Variants in WDR37 observed in about 807,000 individuals in gnomAD.
WDR37 encodes WD repeat domain 37.
A neutral mutation model predicts 62.9 loss-of-function variants in WDR37; 19 were observed. That is an observed-to-expected ratio of 0.30 (90% CI 0.21 to 0.44). WDR37 has a LOEUF of 0.44. Ranked by LOEUF, WDR37 falls within the 20% of genes least tolerant of loss-of-function variation. WDR37 has a pLI of 1.00. For synonymous variants in WDR37, 250 were observed against 260.9 expected (o/e 0.96, Z 0.40); for missense variants, 474 against 657.6 (o/e 0.72, Z 3.05).
chr10:1,123,552 G>A (rs957785019), intron 11 of WDR37, among the ~76,000 whole-genome samples: 6 of 152,198 alleles, frequency 3.9e-5, no homozygotes, highest in East Asian at 3.9e-4. Flanking sequence ...CTTTTTTTAC[G>A]ACTGAATAAT....
chr10:1,100,562 G>A (rs1227175207), intron 9 of WDR37, among the ~76,000 whole-genome samples: 1 of 152,224 alleles, frequency 6.6e-6, no homozygotes, highest in African/African-American at 2.4e-5. Context: ...TTGGGCAAAC[G>A]TCTTGTGTTT....
chr10:1,099,419 A>G (rs1834715946), intron 9 of WDR37, among the ~76,000 whole-genome samples: 1 of 152,240 alleles, frequency 6.6e-6, no homozygotes, highest in African/African-American at 2.4e-5. Context: ...TGATATTTTC[A>G]TCTTGGAATA....
rs1032678802 is a variant in WDR37 at position 1,130,681 on chromosome 10, T to G, written c.*1337T>G. ...TTGGAGAGACACAGGAAGGTAATATTTACAGCTGTCATGTGACATCCCCAG... is the reference window on the plus strand; with the variant it reads ...TTGGAGAGACACAGGAAGGTAATATGTACAGCTGTCATGTGACATCCCCAG... On this transcript the variant is annotated 3_prime_UTR_variant, in exon 14 of 14. Coordinates refer to ENST00000263150, the MANE Select transcript of WDR37 (RefSeq NM_014023.4). 1 of 152,264 alleles carries G rather than the reference T, an allele frequency of 6.6e-6. No individual in the cohort carries two copies. The highest frequency in any genetic ancestry group is 1.5e-5 in the Non-Finnish European group (1 of 68,084). The allele number at this position is 152,264 out of a possible 1,614,324, so 9.4% of individuals were successfully genotyped here.
At chr10:1,075,784 C>CTTTTTTTTTTTT (rs11387795) in intron 2 of WDR37, among the ~76,000 whole-genome samples, 1 of 140,950 alleles carries the variant, frequency 7.1e-6, no homozygotes, top group Admixed American at 7.1e-5. Context: ...ATTGGAACTT[C>CTTTTTTTTTTTT]TTTTTTTTTT....
chr10:1,057,839 T>G (rs563182610), intron 1 of WDR37, among the ~76,000 whole-genome samples: 1 of 152,342 alleles, frequency 6.6e-6, no homozygotes, highest in African/African-American at 2.4e-5. Flanking sequence ...TTTATTGAAG[T>G]TCAAGTGTTT....
At chr10:1,114,032 C>T (rs1436384949) in intron 11 of WDR37, among the ~76,000 whole-genome samples, 2 of 138,412 alleles carry the variant, frequency 1.4e-5, no homozygotes, top group African/African-American at 5.3e-5. Context: ...TCTTGGCTCA[C>T]TGCAACCTCC....
At position 1,070,716 on chromosome 10, in the gene WDR37, A is replaced by G. The variant is rs570551121; in HGVS notation, c.-40-1400A>G. On this transcript the variant is annotated intron_variant, in intron 1 of 13. Coordinates refer to ENST00000263150, the MANE Select transcript of WDR37 (RefSeq NM_014023.4). ...TAATAACCTTTATGGAAGACACTCT[A>G]AATTTTTTGTGAATACATTTCATCT... Among the ~76,000 whole-genome samples the G allele has an allele frequency of 5.8e-4, 88 of 152,344 alleles. 4 individuals carry two copies. The South Asian group carries it at 0.01, about 18-fold the overall frequency.
rs1342466180 is a variant in WDR37, at chr10:1,121,525, T to TGCCCATGCTGCTCTCGTA, written c.1104-2692_1104-2675dup. On this transcript the variant is annotated intron_variant, in intron 11 of 13. Coordinates refer to ENST00000263150, the MANE Select transcript of WDR37 (RefSeq NM_014023.4). This position sits in a 1 kb window ranked among gnomAD's most constrained non-coding sequence, Gnocchi z 4.5. ...GGTTGATTTTGCAGTCTCTCTCCTC[T>TGCCCATGCTGCTCTCGTA]GCCCATGCTGCTCTCGTAACCCGTG... 6.6e-6 allele frequency among the ~76,000 whole-genome samples: 1 copy of TGCCCATGCTGCTCTCGTA among 152,218 alleles called. No homozygotes were observed. Among genetic ancestry groups the TGCCCATGCTGCTCTCGTA allele is most frequent in the Non-Finnish European group, 1.5e-5 (1 of 68,044 alleles).
intron 1 of WDR37, among the ~76,000 whole-genome samples, chr10:1,069,000 T>C (rs1474916968): frequency 1.3e-5 from 2 of 152,100 alleles, no homozygotes; most frequent in Admixed American, 6.6e-5. Flanking sequence ...CAGATTCATA[T>C]GGAGAGAAAG....
At position 1,117,915 on chromosome 10, in the gene WDR37, C is replaced by T. The variant is rs141418003; in HGVS notation, c.1104-6303C>T. Among the ~76,000 whole-genome samples the T allele has an allele frequency of 3.2e-3, 475 of 147,724 alleles. 2 individuals are homozygous for T. In the East Asian group the frequency reaches 0.033, roughly 10 times the overall value. On this transcript the variant is annotated intron_variant, in intron 11 of 13. Transcript: ENST00000263150. Reference sequence around the variant, plus strand: ...GAAGTCCCTGCACGCATCTGAGCCGCGTGCACTCAGCCACCCTCAACCAGC... The same window carrying T: ...GAAGTCCCTGCACGCATCTGAGCCGTGTGCACTCAGCCACCCTCAACCAGC...
At chr10:1,129,149 T>G in intron 13 of WDR37, 64 bp from the exon 14 acceptor site, 1 of 1,592,108 alleles carries the variant, frequency 6.3e-7, no homozygotes, top group Non-Finnish European at 8.6e-7. Flanking sequence ...TTCATTTCGC[T>G]GAGGTCTTAT....
intron 7 of WDR37, 137 bp downstream of exon 7, chr10:1,086,494 G>C (rs977866674): frequency 9.4e-6 from 6 of 638,410 alleles, no homozygotes; most frequent in South Asian, 5.8e-5. Context: ...AGTGTGGTCT[G>C]TTCAGAGACT....
In WDR37 at chr10:1,105,680, G is replaced by C. The variant is rs4880765; in HGVS notation, c.1103+413G>C. Among the ~76,000 whole-genome samples, 3 of 151,806 alleles carry C rather than the reference G, an allele frequency of 2.0e-5. No homozygotes were observed. Among genetic ancestry groups the C allele is most frequent in the Non-Finnish European group, 4.4e-5 (3 of 67,968 alleles). ...AGTTTTTGTTATTACACGTGTCTGC[G>C]TGGTATATTCTGGGAGAAGGTATAC... On this transcript the variant is annotated intron_variant, in intron 11 of 13. Coordinates refer to ENST00000263150, the MANE Select transcript of WDR37 (RefSeq NM_014023.4). The surrounding 1 kb of genome is among the most constrained non-coding windows in gnomAD (Gnocchi z 5.3).
chr10:1,068,167 T>TA (rs1833610959), intron 1 of WDR37, among the ~76,000 whole-genome samples: 1 of 151,496 alleles, frequency 6.6e-6, no homozygotes, highest in Admixed American at 6.6e-5. Flanking sequence ...GACAGCAGAG[T>TA]AGGGTGACTA....
At chr10:1,116,450 A>G (rs777477082) in intron 11 of WDR37, among the ~76,000 whole-genome samples, 1 of 152,214 alleles carries the variant, frequency 6.6e-6, no homozygotes. Context: ...CAAGGAGGAC[A>G]CACGCTCTTT....
intron 11 of WDR37, chr10:1,123,966 C>G (rs145061687): frequency 2.2e-6 from 1 of 464,726 alleles, no homozygotes; most frequent in African/African-American, 1.9e-5. Context: ...AACCTCTCTT[C>G]GTTCCGTTGC....
chr10:1,058,473 G>C (rs1254135659), intron 1 of WDR37, among the ~76,000 whole-genome samples: 1 of 152,216 alleles, frequency 6.6e-6, no homozygotes, highest in African/African-American at 2.4e-5. Flanking sequence ...AACTAAGATA[G>C]AGTTTTCATA....
intron 13 of WDR37, among the ~76,000 whole-genome samples, chr10:1,128,209 C>G (rs531567328): frequency 1.1e-4 from 17 of 152,308 alleles, no homozygotes; most frequent in Middle Eastern, 3.4e-3. Context: ...TTATGCCATT[C>G]TTTGAGTGTT....
Position 1,124,973 on chromosome 10 carries a change from G to A in WDR37, c.1302G>A (p.Leu434=), listed in dbSNP as rs753015315. The A allele has an allele frequency of 5.6e-6, 9 of 1,614,116 alleles. No individual in the cohort carries two copies. In the East Asian group the frequency reaches 1.8e-4, roughly 32 times the overall value. ...ALPHDNRQVR[L]FDMSGVRLAR... ...CCCATGACAACCGACAAGTGAGACT[G>A]TTTGATATGTCAGGAGTGCGCCTGG... is the stretch of plus-strand genomic sequence containing the variant. Residue 434 remains leucine (L), a synonymous_variant, in exon 13 of 14, where the codon CTG becomes CTA. Coordinates refer to ENST00000263150, the MANE Select transcript of WDR37 (RefSeq NM_014023.4).
Sources: gnomAD v4.1 joint callset for allele counts (sites outside exome capture counted in the v4.1 genomes callset) on GRCh38, gnomAD v4.1.1 for gene constraint, Gnocchi (gnomAD v3.1) non-coding constraint, MANE v1.5 for transcripts, NCBI Gene and HGNC (gene_info 2026-07-23, HGNC 2026-07-21) for gene names.